NRG3: variants seen among roughly 807,000 people sequenced by gnomAD.
NRG3 encodes neuregulin 3.
NRG3 carries 31 observed loss-of-function variants against 66.9 expected under a neutral mutation model. The observed-to-expected ratio is 0.46, with a 90% confidence interval of 0.35 to 0.63. The LOEUF (loss-of-function observed/expected upper bound fraction) is 0.63. Among genes scored for constraint, NRG3 ranks in the 20% least tolerant of loss-of-function variants. The pLI, the probability that NRG3 is intolerant of heterozygous loss-of-function variation, is 0.00. For synonymous variants in NRG3, 393 were observed against 359.4 expected (o/e 1.09, Z -1.06); for missense variants, 910 against 878.9 (o/e 1.04, Z -0.45).
chr10:82,691,794 G>A (rs908887529), intron 2 of NRG3, among the ~76,000 whole-genome samples: 11 of 152,106 alleles, frequency 7.2e-5, no homozygotes, highest in African/African-American at 2.7e-4. Flanking sequence ...CTTAATTGAT[G>A]AGGCGCCAAA....
intron 2 of NRG3, among the ~76,000 whole-genome samples, chr10:82,716,183 T>C (rs940532299): frequency 3.3e-5 from 5 of 152,238 alleles, no homozygotes; most frequent in Non-Finnish European, 7.3e-5. Context: ...ATTAATTATA[T>C]AGAAAACAAC....
At chr10:82,559,940 G>A (rs1181153491) in intron 2 of NRG3, among the ~76,000 whole-genome samples, 1 of 151,732 alleles carries the variant, frequency 6.6e-6, no homozygotes, top group African/African-American at 2.4e-5. Context: ...TACAAGTTTT[G>A]TTTTGCTTAA....
At chr10:82,474,276 T>C (rs1250333213) in intron 2 of NRG3, among the ~76,000 whole-genome samples, 2 of 151,972 alleles carry the variant, frequency 1.3e-5, no homozygotes, top group East Asian at 1.9e-4. Flanking sequence ...TGAAGAAATA[T>C]AGGCACTGAG....
At chr10:81,915,496 G>GTTTTTTGTTTT (rs1845603801) in intron 1 of NRG3, among the ~76,000 whole-genome samples, 1 of 130,734 alleles carries the variant, frequency 7.6e-6, no homozygotes, top group South Asian at 2.4e-4. Context: ...CACTTCTTTA[G>GTTTTTTGTTTT]TTTTTTTTTT....
chr10:82,603,815 T>C (rs2133422824), intron 2 of NRG3, among the ~76,000 whole-genome samples: 1 of 152,322 alleles, frequency 6.6e-6, no homozygotes. Context: ...GCAAAAAACT[T>C]GTCTTTTCTC....
chr10:81,913,392 A>G (rs939456894), intron 1 of NRG3, among the ~76,000 whole-genome samples: 10 of 150,416 alleles, frequency 6.6e-5, no homozygotes, highest in Admixed American at 6.6e-4. Flanking sequence ...ACTTGTTCTT[A>G]CCCAGCACCA....
chr10:82,223,205 C>T (rs549934134), intron 1 of NRG3, among the ~76,000 whole-genome samples: 5 of 152,208 alleles, frequency 3.3e-5, no homozygotes, highest in African/African-American at 9.6e-5. Flanking sequence ...AACAGTCAGA[C>T]GTGCCTGCAG....
chr10:81,963,775 C>T (rs1757890563), intron 1 of NRG3, among the ~76,000 whole-genome samples: 1 of 152,134 alleles, frequency 6.6e-6, no homozygotes, highest in African/African-American at 2.4e-5. Context: ...CCTTACAGCT[C>T]CGTGGTGGAG....
chr10:82,442,784 ATTTTTTTTT>A lies in NRG3; in HGVS notation c.953+83939_953+83947del, dbSNP rs61261285. Among the ~76,000 whole-genome samples, 119 of 54,280 alleles carry A rather than the reference ATTTTTTTTT, an allele frequency of 2.2e-3. 2 individuals are homozygous for A. The East Asian group carries it at 0.049, about 22-fold the overall frequency. The allele number at this position is 54,280 out of a possible 152,430, so 35.6% of individuals were successfully genotyped here. On this transcript the variant is annotated intron_variant, in intron 2 of 8. Coordinates refer to ENST00000372141, the MANE Select transcript of NRG3 (RefSeq NM_001010848.4). Reference sequence around the variant, plus strand: ...CACCAAAGATCTTATTTCTGTGTGGATTTTTTTTTTTTTTTTTTTTTTTTTTTTTTTAGT... The same window carrying A: ...CACCAAAGATCTTATTTCTGTGTGGATTTTTTTTTTTTTTTTTTTTTTAGT...
rs919843345 is a variant in NRG3 at position 82,401,766 on chromosome 10, C to T, written c.953+42898C>T. On this transcript the variant is annotated intron_variant, in intron 2 of 8. Coordinates refer to ENST00000372141, the MANE Select transcript of NRG3 (RefSeq NM_001010848.4). Reference sequence around the variant, plus strand: ...TTTCAGTTTTATTTGAATTAAATTGCTTTTGATATTTGCCTTTAGTAATTC... The same window carrying T: ...TTTCAGTTTTATTTGAATTAAATTGTTTTTGATATTTGCCTTTAGTAATTC... 2.6e-5 allele frequency among the ~76,000 whole-genome samples: 4 copies of T among 152,082 alleles called. No individual in the cohort carries two copies. The South Asian group carries it at 6.2e-4, about 24-fold the overall frequency.
chr10:81,993,497 C>T (rs943813770), intron 1 of NRG3, among the ~76,000 whole-genome samples: 3 of 152,036 alleles, frequency 2.0e-5, no homozygotes, highest in Non-Finnish European at 2.9e-5. Context: ...CAGATGCATG[C>T]CACCACAACC....
intron 3 of NRG3, among the ~76,000 whole-genome samples, chr10:82,848,640 G>C (rs910669697): frequency 6.6e-6 from 1 of 152,142 alleles, no homozygotes; most frequent in Non-Finnish European, 1.5e-5. Flanking sequence ...GATTTGGGAA[G>C]GGTGGTAGGC....
intron 2 of NRG3, among the ~76,000 whole-genome samples, chr10:82,457,522 G>C (rs1014006356): frequency 2.6e-5 from 4 of 152,122 alleles, no homozygotes; most frequent in Middle Eastern, 3.2e-3. Context: ...TGGACCAGCA[G>C]CAGTCCATGG....
intron 3 of NRG3, chr10:82,827,162 C>T: frequency 3.1e-6 from 1 of 322,422 alleles, no homozygotes; most frequent in East Asian, 9.7e-5. Context: ...AACAAGTTCT[C>T]ATCTTCATAG....
intron 1 of NRG3, among the ~76,000 whole-genome samples, chr10:82,356,714 G>A (rs926559218): frequency 6.6e-6 from 1 of 152,112 alleles, no homozygotes; most frequent in Non-Finnish European, 1.5e-5. Context: ...TATGTGTGAG[G>A]GTCTGTGTGA....
At chr10:82,098,426 A>C (rs977955200) in intron 1 of NRG3, among the ~76,000 whole-genome samples, 9 of 152,086 alleles carry the variant, frequency 5.9e-5, no homozygotes, top group African/African-American at 9.7e-5. Flanking sequence ...TCTTGGCAAA[A>C]ACAGCCAGAG....
intron 2 of NRG3, among the ~76,000 whole-genome samples, chr10:82,546,675 A>C (rs781394089): frequency 6.6e-6 from 1 of 152,176 alleles, no homozygotes; most frequent in African/African-American, 2.4e-5. Flanking sequence ...AAATACTTAT[A>C]AAATTAGTCT....
At chr10:82,217,629 G>A (rs773713685) in intron 1 of NRG3, among the ~76,000 whole-genome samples, 12 of 152,182 alleles carry the variant, frequency 7.9e-5, no homozygotes, top group Non-Finnish European at 1.6e-4. Flanking sequence ...AGAAAATCAT[G>A]TAAAGTTATT....
In NRG3 at chr10:82,137,469, C is replaced by A. The variant is rs2132595267; in HGVS notation, c.824-221270C>A. Reference sequence around the variant, plus strand: ...TAGCACATTTCCTATATTTAAGCCACCCCATCATGAAAAAATAAATAGGTT... The same window carrying A: ...TAGCACATTTCCTATATTTAAGCCAACCCATCATGAAAAAATAAATAGGTT... On this transcript the variant is annotated intron_variant, in intron 1 of 8. Coordinates refer to ENST00000372141, the MANE Select transcript of NRG3 (RefSeq NM_001010848.4). Among the ~76,000 whole-genome samples, 3 of 152,210 alleles carry A rather than the reference C, an allele frequency of 2.0e-5. No homozygotes were observed. In the South Asian group the frequency reaches 6.2e-4, roughly 32 times the overall value.
Sources: gnomAD v4.1 joint callset for allele counts (sites outside exome capture counted in the v4.1 genomes callset) on GRCh38, gnomAD v4.1.1 for gene constraint, MANE v1.5 for transcripts, NCBI Gene and HGNC (gene_info 2026-07-23, HGNC 2026-07-21) for gene names.